GRM7: variants seen among roughly 807,000 people sequenced by gnomAD.
GRM7 encodes glutamate metabotropic receptor 7.
In GRM7, 35 loss-of-function variants were observed where a neutral mutation model predicts 84.5. That is an observed-to-expected ratio of 0.41 (90% CI 0.32 to 0.55). GRM7 has a LOEUF of 0.55. Ranked by LOEUF, GRM7 falls within the 20% of genes least tolerant of loss-of-function variation. The pLI, the probability that GRM7 is intolerant of heterozygous loss-of-function variation, is 0.19. For synonymous variants in GRM7, 487 were observed against 455.1 expected, an observed-to-expected ratio of 1.07 and a Z score of -0.89; for missense variants, 1,003 against 1,194.6, an observed-to-expected ratio of 0.84 and a Z score of 2.36.
Position 7,587,245 on chromosome 3 carries a change from A to G in GRM7, c.2451+7888A>G, listed in dbSNP as rs3966942. On this transcript the variant is annotated intron_variant, in intron 8 of 9. Transcript: ENST00000357716. ...GTAATCATTAAGCGGCCTTATGCCA[A>G]CTGGCCTATTTGCACAGTACTGAAC... Among the ~76,000 whole-genome samples the G allele has an allele frequency of 1.1e-3, 166 of 152,324 alleles. 1 individual carries two copies. The highest frequency in any genetic ancestry group is 1.7e-3 in the Non-Finnish European group (117 of 68,034).
intron 1 of GRM7, among the ~76,000 whole-genome samples, chr3:6,902,040 G>GA (rs1220549458): frequency 1.3e-5 from 2 of 151,910 alleles, no homozygotes. Context: ...CTTAAACTGA[G>GA]AAAAAAACCT....
At chr3:6,985,447 A>G (rs1195829948) in intron 1 of GRM7, among the ~76,000 whole-genome samples, 1 of 152,176 alleles carries the variant, frequency 6.6e-6, no homozygotes, top group Admixed American at 6.5e-5. Flanking sequence ...ATATGTGAGA[A>G]CATGTGATGT....
chr3:7,219,401 TCTTGA>T (rs1696724171), intron 2 of GRM7, among the ~76,000 whole-genome samples: 2 of 152,206 alleles, frequency 1.3e-5, no homozygotes, highest in Admixed American at 6.5e-5. Context: ...TATTTTTGTA[TCTTGA>T]CTTTTCATAC....
intron 8 of GRM7, among the ~76,000 whole-genome samples, chr3:7,644,021 C>T (rs555702968): frequency 1.1e-3 from 45 of 40,570 alleles, no homozygotes; most frequent in East Asian, 4.5e-3. Flanking sequence ...TATATATATA[C>T]ACACACACAC....
chr3:7,341,559 G>T (rs750699188), intron 4 of GRM7, among the ~76,000 whole-genome samples: 1 of 152,032 alleles, frequency 6.6e-6, no homozygotes, highest in Non-Finnish European at 1.5e-5. Context: ...TTGCAGTCTA[G>T]TATATAGAGG....
intron 1 of GRM7, among the ~76,000 whole-genome samples, chr3:6,973,820 G>A (rs535309707): frequency 2.6e-5 from 4 of 152,300 alleles, no homozygotes; most frequent in Non-Finnish European, 5.9e-5. Flanking sequence ...AGGCAGTCAA[G>A]GTGCAGTTCA....
At chr3:7,067,021 TTAATA>T (rs1162812440) in intron 1 of GRM7, among the ~76,000 whole-genome samples, 1 of 151,866 alleles carries the variant, frequency 6.6e-6, no homozygotes, top group Admixed American at 6.6e-5. Flanking sequence ...AGGACATACT[TTAATA>T]TAATAAAAGC....
rs571223636 is a variant in GRM7, at chr3:7,060,529, A to G, written c.520-85923A>G. Among the ~76,000 whole-genome samples, 41 of 151,910 alleles carry G rather than the reference A, an allele frequency of 2.7e-4. 2 individuals are homozygous for G. Among genetic ancestry groups the G allele is most frequent in the African/African-American group, 9.2e-4 (38 of 41,516 alleles). Reference sequence around the variant, plus strand: ...TGGCTATGGGGATACCAATCTATACAGTAGAAGGAAACACTGGGGAAGAGA... The same window carrying G: ...TGGCTATGGGGATACCAATCTATACGGTAGAAGGAAACACTGGGGAAGAGA... On this transcript the variant is annotated intron_variant, in intron 1 of 9. Transcript: ENST00000357716.
intron 2 of GRM7, among the ~76,000 whole-genome samples, chr3:7,215,392 C>T (rs557191286): frequency 3.3e-5 from 5 of 152,036 alleles, no homozygotes; most frequent in African/African-American, 4.8e-5. Context: ...AGGCTGGGCA[C>T]GGTGGATCAC....
intron 7 of GRM7, among the ~76,000 whole-genome samples, chr3:7,557,836 C>A (rs1693844859): frequency 1.3e-5 from 2 of 152,114 alleles, no homozygotes; most frequent in Non-Finnish European, 2.9e-5. Context: ...CCAAATAAGG[C>A]AGGATCACCC....
In GRM7 at chr3:7,452,545, A is replaced by G; in HGVS notation, c.1175-62A>G. ...GTTTACTTTTAAATTTGGACATTCT[A>G]CTCAATGCCAATTTGTGTGTGTGTG... is the stretch of plus-strand genomic sequence containing the variant. On this transcript the variant is annotated intron_variant, in intron 5 of 9. Coordinates refer to ENST00000357716, the MANE Select transcript of GRM7 (RefSeq NM_000844.4). 6 of 1,119,304 alleles carry G rather than the reference A, an allele frequency of 5.4e-6. No individual in the cohort carries two copies. The South Asian group carries it at 6.3e-5, about 12-fold the overall frequency. The allele number at this position is 1,119,304 out of a possible 1,614,324, so 69.3% of individuals were successfully genotyped here.
intron 7 of GRM7, among the ~76,000 whole-genome samples, chr3:7,466,643 A>G (rs551801178): frequency 1.2e-4 from 19 of 152,368 alleles, no homozygotes; most frequent in African/African-American, 3.4e-4. Flanking sequence ...CAAAATGTCA[A>G]TTAAAGCATT....
intron 4 of GRM7, among the ~76,000 whole-genome samples, chr3:7,316,615 A>T (rs768336852): frequency 1.3e-5 from 2 of 152,174 alleles, no homozygotes; most frequent in Non-Finnish European, 2.9e-5. Context: ...AACTAGAGAG[A>T]TGGAATTATG....
intron 1 of GRM7, among the ~76,000 whole-genome samples, chr3:6,910,226 A>T (rs577283427): frequency 6.6e-6 from 1 of 152,306 alleles, no homozygotes; most frequent in South Asian, 2.1e-4. Context: ...ATCCATAGGT[A>T]TCACCAGTGT....
At chr3:7,000,794 G>C (rs193132376) in intron 1 of GRM7, among the ~76,000 whole-genome samples, 1 of 152,298 alleles carries the variant, frequency 6.6e-6, no homozygotes, top group Non-Finnish European at 1.5e-5. Context: ...GCAAGAGACA[G>C]AGCCACACAT....
At chr3:7,330,657 T>A (rs1241392771) in intron 4 of GRM7, among the ~76,000 whole-genome samples, 1 of 152,232 alleles carries the variant, frequency 6.6e-6, no homozygotes, top group Non-Finnish European at 1.5e-5. Flanking sequence ...CATTATCTCC[T>A]GCCTGCCGCC....
chr3:6,930,138 C>G (rs147897648), intron 1 of GRM7, among the ~76,000 whole-genome samples: 260 of 152,224 alleles, frequency 1.7e-3, no homozygotes, highest in African/African-American at 5.9e-3. Flanking sequence ...TGAACAAGTT[C>G]TTTATATTCT....
At chr3:7,156,028 G>A (rs7645978) in intron 2 of GRM7, among the ~76,000 whole-genome samples, 6,067 of 152,216 alleles carry the variant, frequency 0.04, 146 homozygotes, top group Middle Eastern at 0.095. Context: ...TGTCAAACAA[G>A]CTCCTGTTTA....
intron 7 of GRM7, among the ~76,000 whole-genome samples, chr3:7,510,800 A>G (rs1190221375): frequency 6.6e-6 from 1 of 152,210 alleles, no homozygotes; most frequent in African/African-American, 2.4e-5. Context: ...TTCAAATTCC[A>G]GTGTCCATAA....
Sources: allele counts gnomAD v4.1 joint callset (sites outside exome capture counted in the v4.1 genomes callset), GRCh38; gene constraint gnomAD v4.1.1; transcripts MANE v1.5; gene names NCBI Gene and HGNC (gene_info 2026-07-23, HGNC 2026-07-21).